The following PPFIA2 variants were observed in gnomAD, a reference collection of about 807,000 sequenced individuals.
PPFIA2 encodes PPFI scaffold protein A2, also known as liprin-alpha-2.
A neutral mutation model predicts 175.5 loss-of-function variants in PPFIA2; 46 were observed. The ratio of observed to expected loss-of-function variants is 0.26; its 90% CI spans 0.21 to 0.34. The LOEUF is 0.34. Ranked by LOEUF, PPFIA2 falls within the 10% of genes least tolerant of loss-of-function variation. The probability of loss-of-function intolerance (pLI) is 1.00; values close to 1 mark genes in which losing one functional copy is unlikely to be tolerated. For missense variants in PPFIA2, 1,179 were observed against 1,506.1 expected (o/e 0.78, Z 3.60); for synonymous variants, 568 against 511.4 (o/e 1.11, Z -1.49).
Position 81,258,151 on chromosome 12 carries a change from T to C in PPFIA2, c.*1543A>G, listed in dbSNP as rs771775355. ...TAAGCAAGTTTAGATCTCCCTCTTG[T>C]GGCAGACTCAATTTTGAAGCTAAAT... is the stretch of plus-strand genomic sequence containing the variant. On this transcript the variant is annotated 3_prime_UTR_variant, in exon 33 of 33. Coordinates refer to ENST00000549396, the MANE Select transcript of PPFIA2 (RefSeq NM_003625.5). The C allele has an allele frequency of 5.9e-5, 9 of 152,130 alleles. No individual in the cohort carries two copies. Among genetic ancestry groups the C allele is most frequent in the Non-Finnish European group, 1.3e-4 (9 of 68,002 alleles). The allele number at this position is 152,130 out of a possible 1,614,324, so 9.4% of individuals were successfully genotyped here.
At chr12:81,758,269 C>T (rs889074509) in intron 2 of PPFIA2, 131 bp downstream of exon 2, 7 of 406,976 alleles carry the variant, frequency 1.7e-5, no homozygotes, top group East Asian at 1.5e-4. Context: ...GAGGTGAAAG[C>T]AAAAGGCACC....
chr12:81,451,427 C>A (rs566932087), intron 5 of PPFIA2, among the ~76,000 whole-genome samples: 5 of 152,034 alleles, frequency 3.3e-5, no homozygotes, highest in Non-Finnish European at 5.9e-5. Context: ...AGGAACCATG[C>A]TGGGAAGGGG....
chr12:81,261,903 A>AT (rs1013451899), intron 32 of PPFIA2, 46 bp downstream of exon 32: 3 of 1,361,782 alleles, frequency 2.2e-6, no homozygotes, highest in African/African-American at 1.5e-5. Flanking sequence ...TGTAGGTTCC[A>AT]TTTTTTTGTC....
chr12:81,540,562 G>C (rs888937006), intron 4 of PPFIA2, among the ~76,000 whole-genome samples: 1 of 151,960 alleles, frequency 6.6e-6, no homozygotes, highest in African/African-American at 2.4e-5. Context: ...CTTTAGGACA[G>C]GGAGAATTTA....
intron 22 of PPFIA2, among the ~76,000 whole-genome samples, chr12:81,325,382 G>A (rs1297975375): frequency 6.6e-6 from 1 of 152,030 alleles, no homozygotes; most frequent in Non-Finnish European, 1.5e-5. Context: ...TCAGAGAAAT[G>A]TTTCTCCTTT....
chr12:81,474,277 C>T (rs1170981299), intron 4 of PPFIA2, among the ~76,000 whole-genome samples: 1 of 152,184 alleles, frequency 6.6e-6, no homozygotes, highest in African/African-American at 2.4e-5. Flanking sequence ...GTGCCTCAGC[C>T]TCCCCAGTAG....
At chr12:81,543,677 T>C (rs905771699) in intron 4 of PPFIA2, among the ~76,000 whole-genome samples, 1 of 152,144 alleles carries the variant, frequency 6.6e-6, no homozygotes, top group Non-Finnish European at 1.5e-5. Flanking sequence ...TCACAGAGTA[T>C]GGACGTGGGC....
At chr12:81,695,302 G>A (rs951837271) in intron 3 of PPFIA2, among the ~76,000 whole-genome samples, 1 of 152,148 alleles carries the variant, frequency 6.6e-6, no homozygotes, top group Non-Finnish European at 1.5e-5. Flanking sequence ...GCTGAAGATA[G>A]GGCCTGGTGG....
intron 4 of PPFIA2, among the ~76,000 whole-genome samples, chr12:81,476,977 A>G (rs1210524915): frequency 6.6e-6 from 1 of 152,070 alleles, no homozygotes; most frequent in Non-Finnish European, 1.5e-5. Flanking sequence ...CAAACACTAC[A>G]TGTTCTCACT....
chr12:81,664,760 C>A (rs1375364537), intron 4 of PPFIA2, among the ~76,000 whole-genome samples: 1 of 152,056 alleles, frequency 6.6e-6, no homozygotes, highest in Non-Finnish European at 1.5e-5. Flanking sequence ...CAGCACTATT[C>A]ACAATAGCAA....
chr12:81,416,235 T>C (rs1415618995), intron 7 of PPFIA2, among the ~76,000 whole-genome samples: 1 of 151,482 alleles, frequency 6.6e-6, no homozygotes, highest in Non-Finnish European at 1.5e-5. Context: ...TTCTAAACAG[T>C]TTTTCAAAAG....
chr12:81,663,855 A>G (rs1596166711), intron 4 of PPFIA2, among the ~76,000 whole-genome samples: 1 of 152,336 alleles, frequency 6.6e-6, no homozygotes, highest in East Asian at 1.9e-4. Context: ...AGACCAATGG[A>G]ACAGAATAGA....
intron 4 of PPFIA2, among the ~76,000 whole-genome samples, chr12:81,671,634 G>C (rs2071436207): frequency 6.6e-6 from 1 of 151,916 alleles, no homozygotes; most frequent in Admixed American, 6.6e-5. Flanking sequence ...TTGGTCTTTA[G>C]TATAAAGTAC....
At chr12:81,447,396 C>T (rs953877143) in intron 5 of PPFIA2, among the ~76,000 whole-genome samples, 2 of 152,120 alleles carry the variant, frequency 1.3e-5, no homozygotes, top group African/African-American at 4.8e-5. Flanking sequence ...TTCTGACCTA[C>T]TTTTAGCTCC....
intron 4 of PPFIA2, among the ~76,000 whole-genome samples, chr12:81,537,728 G>A (rs905620898): frequency 3.3e-5 from 5 of 151,804 alleles, no homozygotes; most frequent in South Asian, 4.2e-4. Context: ...TGAGTTCTTC[G>A]TTTTACCAAT....
At chr12:81,654,300 G>A (rs1263856458) in intron 4 of PPFIA2, among the ~76,000 whole-genome samples, 2 of 151,814 alleles carry the variant, frequency 1.3e-5, no homozygotes, top group Non-Finnish European at 2.9e-5. Context: ...CTGAGAGATA[G>A]TAAGTCCCAA....
chr12:81,670,130 G>A (rs981015284), intron 4 of PPFIA2, among the ~76,000 whole-genome samples: 1 of 151,846 alleles, frequency 6.6e-6, no homozygotes, highest in African/African-American at 2.4e-5. Flanking sequence ...GGAATCAGAA[G>A]TTCAATTTTT....
chr12:81,415,211 ATATATATATATATATATATATATATATAT>A (rs1262550138), intron 7 of PPFIA2, among the ~76,000 whole-genome samples: 1 of 8,844 alleles, frequency 1.1e-4, no homozygotes, highest in Non-Finnish European at 2.3e-4. Context: ...AAAAAAAAAA[ATATATATATATATATATATATATATATAT>A]ATATATATAT....
chr12:81,427,423 G>T (rs1297977878), intron 7 of PPFIA2, among the ~76,000 whole-genome samples: 1 of 151,982 alleles, frequency 6.6e-6, no homozygotes, highest in Non-Finnish European at 1.5e-5. Context: ...TCGGGGTATT[G>T]TTACAGTCCT....
Sources: allele counts gnomAD v4.1 joint callset (sites outside exome capture counted in the v4.1 genomes callset), GRCh38; gene constraint gnomAD v4.1.1; transcripts MANE v1.5; gene names NCBI Gene and HGNC (gene_info 2026-07-23, HGNC 2026-07-21).